BCAS3: variants seen among roughly 807,000 people sequenced by gnomAD.
The protein encoded by BCAS3 is BCAS4/BCAS3 fusion.
Under a neutral mutation model 116.1 loss-of-function variants are expected in BCAS3, and 53 were observed. That is an observed-to-expected ratio of 0.46 (90% CI 0.37 to 0.57). The LOEUF is 0.57. Among genes scored for constraint, BCAS3 ranks in the 20% least tolerant of loss-of-function variants. BCAS3 has a pLI of 0.00. For synonymous variants in BCAS3, 391 were observed against 408.2 expected, an observed-to-expected ratio of 0.96 and a Z score of 0.51; for missense variants, 917 against 1,165.4, an observed-to-expected ratio of 0.79 and a Z score of 3.10.
chr17:61,125,325 C>A (rs1426757532), intron 22 of BCAS3, among the ~76,000 whole-genome samples: 1 of 152,120 alleles, frequency 6.6e-6, no homozygotes, highest in African/African-American at 2.4e-5. Flanking sequence ...CCTCTCTCAG[C>A]CTGTGAAAGA....
At chr17:60,764,098 T>C (rs920827161) in intron 6 of BCAS3, among the ~76,000 whole-genome samples, 2 of 152,192 alleles carry the variant, frequency 1.3e-5, no homozygotes, top group Admixed American at 6.5e-5. Context: ...TTCTTCTTTA[T>C]TAGTCTTGCT....
chr17:61,235,075 C>T lies in BCAS3; in HGVS notation c.2426-133252C>T, dbSNP rs1184469757. Among the ~76,000 whole-genome samples the T allele has an allele frequency of 6.6e-6, 1 of 152,092 alleles. No homozygotes were observed. Among genetic ancestry groups the T allele is most frequent in the Non-Finnish European group, 1.5e-5 (1 of 68,018 alleles). On this transcript the variant is annotated intron_variant, in intron 22 of 23. Transcript: ENST00000407086. This position sits in a 1 kb window ranked among gnomAD's most constrained non-coding sequence, Gnocchi z 5.0. The stretch of plus-strand genomic sequence containing the variant: ...GCTAAGTTTTGTATTTTAGTAGAGA[C>T]AGGGTTTCACCACATTGGCCGGGCT...
intron 22 of BCAS3, among the ~76,000 whole-genome samples, chr17:61,125,507 C>A (rs1273310281): frequency 1.3e-5 from 2 of 151,916 alleles, no homozygotes; most frequent in Non-Finnish European, 2.9e-5. Context: ...AAATTCATTG[C>A]TTTGTTATGG....
chr17:60,960,616 T>C lies in BCAS3; in HGVS notation c.1221+13264T>C, dbSNP rs1418528354. ...CTGGGCCTGTGGCTCTGCCCATTCC[T>C]GCCTTTGTACACACAGCTTAGGCCT... On this transcript the variant is annotated intron_variant, in intron 14 of 23. Transcript: ENST00000407086. The surrounding 1 kb of genome is among the most constrained non-coding windows in gnomAD (Gnocchi z 4.1). Among the ~76,000 whole-genome samples the C allele has an allele frequency of 1.3e-5, 2 of 152,142 alleles. No individual in the cohort carries two copies. Among genetic ancestry groups the C allele is most frequent in the Non-Finnish European group, 2.9e-5 (2 of 68,032 alleles).
intron 8 of BCAS3, among the ~76,000 whole-genome samples, chr17:60,872,791 A>T (rs1209458509): frequency 6.6e-6 from 1 of 150,634 alleles, no homozygotes; most frequent in South Asian, 2.1e-4. Context: ...ATATATCTGT[A>T]TGTGTATATC....
intron 22 of BCAS3, among the ~76,000 whole-genome samples, chr17:61,318,535 A>G (rs2054930770): frequency 6.6e-6 from 1 of 152,154 alleles, no homozygotes; most frequent in African/African-American, 2.4e-5. Flanking sequence ...AAGTGTCTTA[A>G]TGGCATTAAC....
At chr17:60,989,898 G>T in intron 14 of BCAS3, 73 bp from the exon 15 acceptor site, 1 of 1,457,220 alleles carries the variant, frequency 6.9e-7, no homozygotes, top group South Asian at 1.3e-5. Context: ...TTCATATTTG[G>T]TGATGTGTGA....
rs913196235 is a variant in BCAS3 at position 61,127,847 on chromosome 17, TA to T, written c.2425+43292del. 3.1e-4 allele frequency among the ~76,000 whole-genome samples: 47 copies of T among 149,740 alleles called. 1 individual carries two copies. Among genetic ancestry groups the T allele is most frequent in the Non-Finnish European group, 4.9e-4 (33 of 67,428 alleles). ...GGGCTACAAAGTTAGTTGGGTGATA[TA>T]AAAAAAAATAATACATATACACACG... On this transcript the variant is annotated intron_variant, in intron 22 of 23. Coordinates refer to ENST00000407086, the MANE Select transcript of BCAS3 (RefSeq NM_017679.5).
chr17:60,826,601 A>G (rs1337372554), intron 7 of BCAS3, among the ~76,000 whole-genome samples: 2 of 152,204 alleles, frequency 1.3e-5, no homozygotes, highest in African/African-American at 4.8e-5. Context: ...TAAACTTAAG[A>G]ATAAAAATTG....
rs2050767446 is a variant in BCAS3 at position 61,276,467 on chromosome 17, A to G, written c.2426-91860A>G. On this transcript the variant is annotated intron_variant, in intron 22 of 23. Coordinates refer to ENST00000407086, the MANE Select transcript of BCAS3 (RefSeq NM_017679.5). The surrounding 1 kb of genome is among the most constrained non-coding windows in gnomAD (Gnocchi z 4.2). ...ATTTACAGTAGCATCAAAAAGAACAAAGTACTCAGGAATAAATTTAACCGA... is the reference window on the plus strand; with the variant it reads ...ATTTACAGTAGCATCAAAAAGAACAGAGTACTCAGGAATAAATTTAACCGA... Among the ~76,000 whole-genome samples, 1 of 152,232 alleles carries G rather than the reference A, an allele frequency of 6.6e-6. No homozygotes were observed. The highest frequency in any genetic ancestry group is 1.5e-5 in the Non-Finnish European group (1 of 68,040).
At chr17:60,895,235 T>C (rs1386795558) in intron 10 of BCAS3, among the ~76,000 whole-genome samples, 1 of 152,178 alleles carries the variant, frequency 6.6e-6, no homozygotes, top group Non-Finnish European at 1.5e-5. Flanking sequence ...CTCTCACTAC[T>C]CATTATTGGT....
chr17:61,375,246 G>GTGCGCGCGCGCGCGCGCGCGCACA (rs1555861734), intron 23 of BCAS3, among the ~76,000 whole-genome samples: 2 of 150,666 alleles, frequency 1.3e-5, no homozygotes, highest in African/African-American at 5.0e-5. Flanking sequence ...GTGTGTGTGT[G>GTGCGCGCGCGCGCGCGCGCGCACA]TGTGTGTGTA....
intron 7 of BCAS3, among the ~76,000 whole-genome samples, chr17:60,828,879 G>A (rs2050666243): frequency 6.6e-6 from 1 of 152,182 alleles, no homozygotes; most frequent in African/African-American, 2.4e-5. Flanking sequence ...TGATCCCCAA[G>A]GGATATTTGG....
chr17:61,102,509 G>A (rs2159372), intron 22 of BCAS3, among the ~76,000 whole-genome samples: 21,800 of 152,112 alleles, frequency 0.14, 4,866 homozygotes, highest in African/African-American at 0.48. Context: ...AGAAGAAGGT[G>A]TGATTTAGAG....
At chr17:60,975,015 G>A (rs2062227413) in intron 14 of BCAS3, among the ~76,000 whole-genome samples, 1 of 141,396 alleles carries the variant, frequency 7.1e-6, no homozygotes, top group Non-Finnish European at 1.5e-5. Flanking sequence ...TTTTTTTTGA[G>A]ACGGAGTCTC....
At chr17:60,758,312 G>T (rs934471065) in intron 6 of BCAS3, among the ~76,000 whole-genome samples, 6 of 151,992 alleles carry the variant, frequency 3.9e-5, no homozygotes, top group Admixed American at 3.3e-4. Context: ...GAGGTTTATT[G>T]ATTTTGTTTA....
chr17:61,266,115 C>A (rs532311641), intron 22 of BCAS3, among the ~76,000 whole-genome samples: 133 of 152,326 alleles, frequency 8.7e-4, no homozygotes, highest in African/African-American at 3.2e-3. Context: ...CTCTTCTAGG[C>A]ATACCTCTTT....
rs551327173 is a variant in BCAS3 at position 61,258,857 on chromosome 17, G to C, written c.2426-109470G>C. The stretch of plus-strand genomic sequence containing the variant: ...TATTCCAGCATATGGATTTGTATTC[G>C]TAATTCCCCAAGATAAGATTTTACC... On this transcript the variant is annotated intron_variant, in intron 22 of 23. Transcript: ENST00000407086. This position sits in a 1 kb window ranked among gnomAD's most constrained non-coding sequence, Gnocchi z 4.7. 1.3e-5 allele frequency among the ~76,000 whole-genome samples: 2 copies of C among 152,144 alleles called. No homozygotes were observed.
chr17:60,784,108 T>G (rs2046066686), intron 6 of BCAS3, among the ~76,000 whole-genome samples: 1 of 152,082 alleles, frequency 6.6e-6, no homozygotes, highest in African/African-American at 2.4e-5. Context: ...AGTCCAAGCA[T>G]GTACTGTATC....
Sources: allele counts gnomAD v4.1 joint callset (sites outside exome capture counted in the v4.1 genomes callset), GRCh38; gene constraint gnomAD v4.1.1; non-coding constraint Gnocchi (gnomAD v3.1); transcripts MANE v1.5; gene names NCBI Gene and HGNC (gene_info 2026-07-23, HGNC 2026-07-21).